Variants in MUC22 observed in about 807,000 individuals in gnomAD.
MUC22 encodes mucin-22.
In MUC22, 24 loss-of-function variants were observed where a neutral mutation model predicts 40.3. The observed-to-expected ratio is 0.60, with a 90% CI of 0.43 to 0.84. The LOEUF (loss-of-function observed/expected upper bound fraction) is 0.84. MUC22 is among the 40% of genes least tolerant of loss of function. The pLI is 0.00. For missense variants in MUC22, 1,926 were observed against 2,130.7 expected, an observed-to-expected ratio of 0.90 and a Z score of 1.89; for synonymous variants, 765 against 844.5, an observed-to-expected ratio of 0.91 and a Z score of 1.63.
intron 1 of MUC22, among the ~76,000 whole-genome samples, chr6:31,024,871 T>TC (rs1353006386): frequency 4.8e-5 from 5 of 103,386 alleles, no homozygotes; most frequent in Admixed American, 4.8e-4. Flanking sequence ...GCTGCCTTCT[T>TC]TTTTTTTTTT....
rs186779365 is a variant in MUC22 at position 31,022,860 on chromosome 6, C to T, written c.71-2642C>T. The stretch of plus-strand genomic sequence containing the variant: ...AAAAATGACTCAGGTCATGGTGCAG[C>T]GGTTTATGCCTGTAATCCTAGCCCT... On this transcript the variant is annotated intron_variant, in intron 1 of 3. Coordinates refer to ENST00000561890, the Ensembl canonical transcript of MUC22. 3.2e-3 allele frequency among the ~76,000 whole-genome samples: 485 copies of T among 152,254 alleles called. 4 individuals are homozygous for T. Among genetic ancestry groups the T allele is most frequent in the Non-Finnish European group, 5.3e-3 (362 of 68,026 alleles).
rs904341122 is a variant in MUC22, at chr6:31,011,314, A to C, written c.70+538A>C. Among the ~76,000 whole-genome samples the C allele has an allele frequency of 1.3e-5, 2 of 151,878 alleles. No individual in the cohort carries two copies. The highest frequency in any genetic ancestry group is 2.9e-5 in the Non-Finnish European group (2 of 67,956). ...TCACCAAGCAGTGTACACCGCACCC[A>C]CCCTATCTGTAGTCTTTTATCTCTC... On this transcript the variant is annotated intron_variant, in intron 1 of 3. Transcript: ENST00000561890. The surrounding 1 kb of genome is among the most constrained non-coding windows in gnomAD (Gnocchi z 4.5).
At chr6:31,020,575 C>T (rs1444300961) in intron 1 of MUC22, among the ~76,000 whole-genome samples, 1 of 151,954 alleles carries the variant, frequency 6.6e-6, no homozygotes, top group Non-Finnish European at 1.5e-5. Flanking sequence ...CCTCAGAGCC[C>T]TCGCTTGCTC....
At chr6:31,018,017 G>A (rs185482502) in intron 1 of MUC22, among the ~76,000 whole-genome samples, 146 of 152,310 alleles carry the variant, frequency 9.6e-4, no homozygotes, top group African/African-American at 2.5e-3. Context: ...AAGAAACGCC[G>A]AACACATCTG....
At chr6:31,008,478 TGA>T (rs772352077), upstream of MUC22, among the ~76,000 whole-genome samples, 6 of 152,080 alleles carry the variant, frequency 3.9e-5, no homozygotes, top group Non-Finnish European at 7.4e-5. Context: ...AAAACAGTCC[TGA>T]GAGGGGCATT....
intron 1 of MUC22, 104 bp from the exon 2 acceptor site, chr6:31,025,398 A>G (rs1294446548): frequency 7.7e-7 from 1 of 1,294,934 alleles, no homozygotes; most frequent in Non-Finnish European, 1.0e-6. Flanking sequence ...AACTGAATAA[A>G]TAAATGAATA....
chr6:31,028,623 CA>C lies in MUC22; in HGVS notation c.3193del (p.Thr1065ProfsTer2). The C allele has an allele frequency of 6.5e-7, 1 of 1,534,906 alleles. No homozygotes were observed. The highest frequency in any genetic ancestry group is 8.7e-7 in the Non-Finnish European group (1 of 1,146,696). On this transcript the variant is annotated frameshift_variant, in exon 2 of 4. Transcript: ENST00000561890. LOFTEE classifies it high-confidence loss of function. ...CAGTCTTCACTGAAAACTCTGAGAC[CA>C]CCATAGCCTCTACCACAGCCTCTGA...
intron 1 of MUC22, among the ~76,000 whole-genome samples, chr6:31,025,200 G>A (rs2150779704): frequency 6.6e-6 from 1 of 152,230 alleles, no homozygotes; most frequent in South Asian, 2.1e-4. Flanking sequence ...CAGTTCCTCA[G>A]AGAGACCTTT....
At chr6:31,025,542 C>T (rs1562599164) in exon 2 of MUC22, 2 of 1,522,126 alleles carry the variant, frequency 1.3e-6, no homozygotes, top group Non-Finnish European at 1.8e-6. Flanking sequence ...GCTCCGACAC[C>T]ACCACAGCCT....
At chr6:31,006,355 A>C (rs2150731147), upstream of MUC22, among the ~76,000 whole-genome samples, 1 of 152,340 alleles carries the variant, frequency 6.6e-6, no homozygotes, top group South Asian at 2.1e-4. Flanking sequence ...ATTACAGACC[A>C]TATGACATCC....
upstream of MUC22, among the ~76,000 whole-genome samples, chr6:31,009,149 T>A: frequency 6.6e-6 from 1 of 152,258 alleles, no homozygotes. Flanking sequence ...ATCTTTAAAT[T>A]GAGGCTTAAA....
upstream of MUC22, among the ~76,000 whole-genome samples, chr6:31,008,995 A>C (rs143001137): frequency 9.3e-3 from 1,410 of 152,372 alleles, 13 homozygotes; most frequent in South Asian, 0.057. Flanking sequence ...CATCACCAAC[A>C]CATATTTACC....
Position 31,029,104 on chromosome 6 carries a change from AC to A in MUC22, c.3675del (p.Thr1226ProfsTer170). 2 of 1,534,600 alleles carry A rather than the reference AC, an allele frequency of 1.3e-6. No homozygotes were observed. The highest frequency in any genetic ancestry group is 1.7e-6 in the Non-Finnish European group (2 of 1,146,524). On this transcript the variant is annotated frameshift_variant, in exon 2 of 4. Transcript: ENST00000561890. LOFTEE classifies it high-confidence loss of function. Reference sequence around the variant, plus strand: ...TACAGTCACTACTATGGGCTCTGAGACCACCACGGCCTCTACTGCAGGCTCA... The same window carrying A: ...TACAGTCACTACTATGGGCTCTGAGACACCACGGCCTCTACTGCAGGCTCA...
chr6:31,029,547 C>T (rs1765847379), exon 2 of MUC22: 2 of 1,528,866 alleles, frequency 1.3e-6, no homozygotes, highest in African/African-American at 1.4e-5. Context: ...CTACTGAAGG[C>T]TCTGAGGCCA....
At chr6:31,018,103 T>C (rs1190046120) in intron 1 of MUC22, among the ~76,000 whole-genome samples, 4 of 152,226 alleles carry the variant, frequency 2.6e-5, no homozygotes, top group Non-Finnish European at 5.9e-5. Context: ...CACGGCTTCA[T>C]TGTTGAAGTC....
upstream of MUC22, among the ~76,000 whole-genome samples, chr6:31,008,552 CTTT>C (rs10632347): frequency 2.9e-5 from 4 of 140,062 alleles, no homozygotes; most frequent in Non-Finnish European, 3.1e-5. Flanking sequence ...CTTTTTCTTT[CTTT>C]TTTTTTTTTT....
intron 1 of MUC22, among the ~76,000 whole-genome samples, chr6:31,024,173 A>G (rs2150777246): frequency 6.6e-6 from 1 of 152,362 alleles, no homozygotes; most frequent in Non-Finnish European, 1.5e-5. Context: ...AGACTGAAGA[A>G]CTGCACCAGA....
chr6:31,021,041 G>C (rs185609320), intron 1 of MUC22, among the ~76,000 whole-genome samples: 5 of 152,194 alleles, frequency 3.3e-5, no homozygotes, highest in African/African-American at 9.6e-5. Context: ...GAGCCTCCCC[G>C]ATGAGCGCCG....
In MUC22 at chr6:31,026,274, GATTAAAGCCTCTGAGACC is replaced by G. The variant is rs1765323640; in HGVS notation, c.845_862del (p.Ile282_Thr287del). 6 of 1,281,218 alleles carry G rather than the reference GATTAAAGCCTCTGAGACC, an allele frequency of 4.7e-6. 1 individual carries two copies. The highest frequency in any genetic ancestry group is 2.5e-5 in the Admixed American group (1 of 39,604). The allele number at this position is 1,281,218 out of a possible 1,614,324, so 79.4% of individuals were successfully genotyped here. A position where few individuals can be genotyped will look rare whatever the true frequency, so the allele number is the denominator to read the frequency against. On this transcript the variant is annotated inframe_deletion, in exon 2 of 4. Coordinates refer to ENST00000561890, the Ensembl canonical transcript of MUC22. ...CAGGCTCTGAGACCACTACAATCCT[GATTAAAGCCTCTGAGACC>G]ACCACAGCCTCTACAGCAGGTTCTG...
Sources: gnomAD v4.1 joint callset for allele counts (sites outside exome capture counted in the v4.1 genomes callset) on GRCh38, gnomAD v4.1.1 for gene constraint, Gnocchi (gnomAD v3.1) non-coding constraint, MANE v1.5 for transcripts, NCBI Gene and HGNC (gene_info 2026-07-23, HGNC 2026-07-21) for gene names.